The following CLSTN2 variants were observed in gnomAD, a reference collection of about 807,000 sequenced individuals.
CLSTN2 encodes the protein calsyntenin 2.
CLSTN2 carries 48 observed loss-of-function variants against 101.2 expected under a neutral mutation model. The observed-to-expected ratio is 0.47, with a 90% CI of 0.38 to 0.60. CLSTN2 has a LOEUF of 0.60. CLSTN2 is among the 20% of genes least tolerant of loss of function. The pLI is 0.00. For synonymous variants in CLSTN2, 481 were observed against 463.6 expected, an observed-to-expected ratio of 1.04 and a Z score of -0.48; for missense variants, 1,160 against 1,238.2, an observed-to-expected ratio of 0.94 and a Z score of 0.95.
chr3:140,510,797 T>C (rs1000526231), intron 8 of CLSTN2, among the ~76,000 whole-genome samples: 25 of 152,228 alleles, frequency 1.6e-4, no homozygotes, highest in Admixed American at 1.3e-4. Flanking sequence ...GAGAGTAACA[T>C]CTTTGCCCTG....
intron 1 of CLSTN2, among the ~76,000 whole-genome samples, chr3:140,028,392 C>T (rs1249913636): frequency 6.6e-6 from 1 of 152,152 alleles, no homozygotes; most frequent in East Asian, 1.9e-4. Context: ...TTCACAGATA[C>T]TCCCAAACAC....
chr3:140,478,443 G>A (rs1188552419), intron 8 of CLSTN2, among the ~76,000 whole-genome samples: 6 of 151,564 alleles, frequency 4.0e-5, no homozygotes, highest in African/African-American at 1.2e-4. Flanking sequence ...CAACATGAAC[G>A]AATCTCAAAA....
chr3:140,457,784 T>G (rs2108015090), intron 6 of CLSTN2, among the ~76,000 whole-genome samples: 1 of 152,276 alleles, frequency 6.6e-6, no homozygotes, highest in South Asian at 2.1e-4. Flanking sequence ...CTACTATGTG[T>G]CAGGTGCAGT....
chr3:140,175,060 T>A (rs1367842828), intron 1 of CLSTN2, among the ~76,000 whole-genome samples: 1 of 152,194 alleles, frequency 6.6e-6, no homozygotes, highest in Non-Finnish European at 1.5e-5. Context: ...CATATTTCTG[T>A]GCCACAATTT....
At chr3:140,380,384 A>C (rs1166306652) in intron 2 of CLSTN2, among the ~76,000 whole-genome samples, 1 of 152,212 alleles carries the variant, frequency 6.6e-6, no homozygotes, top group Non-Finnish European at 1.5e-5. Flanking sequence ...GCCAGGTATA[A>C]ATTGGAATGC....
At chr3:140,170,570 A>C (rs1365969059) in intron 1 of CLSTN2, among the ~76,000 whole-genome samples, 1 of 152,230 alleles carries the variant, frequency 6.6e-6, no homozygotes, top group Admixed American at 6.5e-5. Context: ...TGGATGTCAA[A>C]TACCTAATAT....
chr3:140,002,427 GTTGT>G (rs1489007567), intron 1 of CLSTN2, among the ~76,000 whole-genome samples: 4 of 152,110 alleles, frequency 2.6e-5, no homozygotes, highest in Non-Finnish European at 5.9e-5. Flanking sequence ...TACCTATAGA[GTTGT>G]TTGAGTTCCT....
At chr3:140,511,999 G>A (rs1388930714) in intron 8 of CLSTN2, among the ~76,000 whole-genome samples, 1 of 148,618 alleles carries the variant, frequency 6.7e-6, no homozygotes, top group Non-Finnish European at 1.5e-5. Flanking sequence ...TTTTTTTCTT[G>A]TACGTTTGCT....
Position 140,154,641 on chromosome 3 carries a change from C to CTTTTT in CLSTN2, c.110-21293_110-21289dup, listed in dbSNP as rs35699283. ...AGAGAGAGAGAGGGGAAGTATCACC[C>CTTTTT]TTTTTTTTTTTTTTTTTTTTTGAGA... On this transcript the variant is annotated intron_variant, in intron 1 of 16. Coordinates refer to ENST00000458420, the MANE Select transcript of CLSTN2 (RefSeq NM_022131.3). Among the ~76,000 whole-genome samples the CTTTTT allele has an allele frequency of 2.3e-4, 21 of 92,860 alleles. 1 individual carries two copies. Among genetic ancestry groups the CTTTTT allele is most frequent in the African/African-American group, 5.7e-4 (14 of 24,428 alleles). 60.9% of individuals were successfully genotyped at this position (92,860 alleles called of 152,430 possible).
chr3:140,044,212 T>C (rs1446619029), intron 1 of CLSTN2, among the ~76,000 whole-genome samples: 2 of 152,244 alleles, frequency 1.3e-5, no homozygotes, highest in Admixed American at 6.5e-5. Flanking sequence ...CATTGAGCAG[T>C]GGTTTGTAGT....
At chr3:140,529,605 T>A (rs958310760) in intron 8 of CLSTN2, among the ~76,000 whole-genome samples, 1 of 152,218 alleles carries the variant, frequency 6.6e-6, no homozygotes, top group Admixed American at 6.5e-5. Flanking sequence ...TGTAGGTCTC[T>A]TCCTGATCAT....
At chr3:140,404,866 G>C in intron 4 of CLSTN2, 100 bp downstream of exon 4, 1 of 979,054 alleles carries the variant, frequency 1.0e-6, no homozygotes, top group Non-Finnish European at 1.6e-6. Flanking sequence ...GGCAAGTTAT[G>C]CCTTTCTTGC....
chr3:140,318,234 T>G (rs537752939), intron 2 of CLSTN2, among the ~76,000 whole-genome samples: 3 of 152,068 alleles, frequency 2.0e-5, no homozygotes, highest in Non-Finnish European at 4.4e-5. Context: ...AAGACAGACG[T>G]GTGGTCCAGT....
At chr3:140,455,260 G>T (rs1933368248) in intron 6 of CLSTN2, among the ~76,000 whole-genome samples, 1 of 152,162 alleles carries the variant, frequency 6.6e-6, no homozygotes, top group South Asian at 2.1e-4. Context: ...CCTTTCTCAT[G>T]CCCAGAGGTG....
chr3:140,129,994 T>C (rs978433352), intron 1 of CLSTN2, among the ~76,000 whole-genome samples: 1 of 152,164 alleles, frequency 6.6e-6, no homozygotes, highest in African/African-American at 2.4e-5. Context: ...TGAACACAAA[T>C]TCTGTCTGCA....
At chr3:140,203,603 G>C (rs887985411) in intron 2 of CLSTN2, among the ~76,000 whole-genome samples, 3 of 151,220 alleles carry the variant, frequency 2.0e-5, no homozygotes, top group Non-Finnish European at 2.9e-5. Context: ...GCCTCTGCCA[G>C]TCACCTGGGA....
At chr3:140,339,638 C>T (rs1460425889) in intron 2 of CLSTN2, among the ~76,000 whole-genome samples, 1 of 152,110 alleles carries the variant, frequency 6.6e-6, no homozygotes, top group Non-Finnish European at 1.5e-5. Context: ...ACCATGGGGG[C>T]CTTGAAACAG....
intron 1 of CLSTN2, among the ~76,000 whole-genome samples, chr3:140,164,066 C>T (rs1286289881): frequency 6.6e-6 from 1 of 152,020 alleles, no homozygotes; most frequent in African/African-American, 2.4e-5. Flanking sequence ...CACTTCAGTC[C>T]AATAATGTTC....
At chr3:140,122,780 G>A (rs902596206) in intron 1 of CLSTN2, among the ~76,000 whole-genome samples, 2 of 152,158 alleles carry the variant, frequency 1.3e-5, no homozygotes, top group Non-Finnish European at 1.5e-5. Flanking sequence ...AGGGTCAGAT[G>A]TTTTAGGCTT....
Sources: allele counts gnomAD v4.1 joint callset (sites outside exome capture counted in the v4.1 genomes callset), GRCh38; gene constraint gnomAD v4.1.1; transcripts MANE v1.5; gene names NCBI Gene and HGNC (gene_info 2026-07-23, HGNC 2026-07-21).